Variants in EBLN1 observed in about 807,000 individuals in gnomAD.
The protein encoded by EBLN1 is endogenous Bornavirus-like nucleoprotein 1.
A neutral mutation model predicts 0.8 loss-of-function variants in EBLN1; 1 was observed. The ratio of observed to expected loss-of-function variants is 1.32; its 90% CI spans 0.47 to 6.26. The LOEUF (loss-of-function observed/expected upper bound fraction) is 6.26, where lower values mean the gene tolerates loss of function less well. EBLN1 is among the 30% of genes most tolerant of loss of function. The probability of loss-of-function intolerance (pLI) is 0.15; values close to 1 mark genes in which losing one functional copy is unlikely to be tolerated. For synonymous variants in EBLN1, 158 were observed against 158.5 expected, an observed-to-expected ratio of 1.00 and a Z score of 0.02; for missense variants, 396 against 447.9, an observed-to-expected ratio of 0.88 and a Z score of 1.05.
chr10:22,211,106 G>C (rs1834749328), intron 2 of EBLN1, among the ~76,000 whole-genome samples: 1 of 152,154 alleles, frequency 6.6e-6, no homozygotes, highest in Non-Finnish European at 1.5e-5. Flanking sequence ...CAATGGAAGG[G>C]ATATAACATT....
In EBLN1 at chr10:22,209,641, T is replaced by G; in HGVS notation, c.343A>C (p.Thr115Pro). The G allele has an allele frequency of 2.0e-6, 3 of 1,533,494 alleles. No homozygotes were observed. Among genetic ancestry groups the G allele is most frequent in the Non-Finnish European group, 2.6e-6 (3 of 1,146,218 alleles). 95.0% of individuals were successfully genotyped at this position (1,533,494 alleles called of 1,614,324 possible). Residue 115 changes from threonine to proline, a missense_variant, in exon 3 of 3, where the codon ACT (threonine) becomes CCT (proline). Physicochemically the swap from Thr to Pro is conservative, Grantham distance 38 (BLOSUM62 -1). Coordinates refer to ENST00000422359, the MANE Select transcript of EBLN1 (RefSeq NM_001394757.1). Reference sequence around the variant, plus strand: ...TCTTCAAATTTGCTAGCATAGAGAGTACCTGTTTCCTTGTTCTCATTCCCA... The same window carrying G: ...TCTTCAAATTTGCTAGCATAGAGAGGACCTGTTTCCTTGTTCTCATTCCCA... ...VIGNENKETG[T>P]LYASKFEDVL...
Position 22,209,042 on chromosome 10 carries a change from G to A in EBLN1, c.942C>T (p.Ser314=), listed in dbSNP as rs1379576826. The A allele has an allele frequency of 1.3e-6, 2 of 1,536,218 alleles. No homozygotes were observed. The highest frequency in any genetic ancestry group is 2.4e-5 in the East Asian group (1 of 40,918). ...AANYWAKRRN[S]TFSGFEALDI... ...CAAGGGCTTCAAATCCAGAAAATGT[G>A]GAATTCCTTCTTTTGGCCCAGTAGT... Residue 314 remains serine, a synonymous_variant, in exon 3 of 3, where the codon TCC becomes TCT. Transcript: ENST00000422359.
At chr10:22,216,179 T>A (rs1049562812) in intron 1 of EBLN1, among the ~76,000 whole-genome samples, 5 of 151,488 alleles carry the variant, frequency 3.3e-5, no homozygotes, top group Non-Finnish European at 5.9e-5. Context: ...TGTGCTTCTA[T>A]GATTTTTTTT....
chr10:22,210,213 A>G (rs1564323230), intron 2 of EBLN1, among the ~76,000 whole-genome samples, 186 bp from the exon 3 acceptor site: 1 of 152,180 alleles, frequency 6.6e-6, no homozygotes, highest in Admixed American at 6.5e-5. Flanking sequence ...CTACACCTAA[A>G]TGTGCAGCTG....
intron 1 of EBLN1, among the ~76,000 whole-genome samples, chr10:22,216,840 C>G (rs1209577292): frequency 2.0e-5 from 3 of 152,108 alleles, no homozygotes; most frequent in African/African-American, 7.2e-5. Flanking sequence ...ACTTCTTGCC[C>G]TATGTGCACT....
At chr10:22,210,241 CT>C (rs1463432302) in intron 2 of EBLN1, among the ~76,000 whole-genome samples, 2 of 152,142 alleles carry the variant, frequency 1.3e-5, no homozygotes, top group Non-Finnish European at 2.9e-5. Flanking sequence ...ATCCTTTCCC[CT>C]GTCAACTGTG....
chr10:22,213,238 T>G (rs1199318316), intron 1 of EBLN1, among the ~76,000 whole-genome samples: 1 of 152,216 alleles, frequency 6.6e-6, no homozygotes, highest in Non-Finnish European at 1.5e-5. Context: ...AGAAAAATAT[T>G]ACAGAAGATG....
intron 2 of EBLN1, among the ~76,000 whole-genome samples, chr10:22,211,525 C>G (rs182324625): frequency 6.6e-6 from 1 of 151,944 alleles, no homozygotes; most frequent in African/African-American, 2.4e-5. Flanking sequence ...CAGGGTCTCA[C>G]TTTATCACCC....
chr10:22,211,635 G>T (rs1221018273), intron 2 of EBLN1, among the ~76,000 whole-genome samples: 1 of 152,098 alleles, frequency 6.6e-6, no homozygotes, highest in Non-Finnish European at 1.5e-5. Flanking sequence ...GAGACTACAG[G>T]TACTTGCCAG....
Position 22,208,699 on chromosome 10 carries a change from T to G in EBLN1, c.*184A>C, listed in dbSNP as rs931509861. 9.3e-6 allele frequency: 6 copies of G among 644,292 alleles called. No homozygotes were observed. The highest frequency in any genetic ancestry group is 7.0e-6 in the Non-Finnish European group (3 of 431,438). 39.9% of individuals were successfully genotyped at this position (644,292 alleles called of 1,614,324 possible). ...TTAAAAAGACTTTGGAGATCACATC[T>G]TTCAGTGGCCAGAGAATATTGGATG... On this transcript the variant is annotated 3_prime_UTR_variant, in exon 3 of 3. Coordinates refer to ENST00000422359, the MANE Select transcript of EBLN1 (RefSeq NM_001394757.1).
Position 22,209,535 on chromosome 10 carries a change from G to A in EBLN1, c.449C>T (p.Ser150Leu), listed in dbSNP as rs550246319. The A allele has an allele frequency of 1.5e-5, 23 of 1,559,334 alleles. No individual in the cohort carries two copies. The highest frequency in any genetic ancestry group is 1.9e-5 in the Admixed American group (1 of 53,368). ...CCDLIGIAAG[S>L]SDPICTNSLQ... Reference sequence around the variant, plus strand: ...GCTGTTGGTGCATATCGGGTCACTCGATCCGGCAGCAATGCCTATCAGATC... The same window carrying A: ...GCTGTTGGTGCATATCGGGTCACTCAATCCGGCAGCAATGCCTATCAGATC... The change falls in exon 3 of 3, where the codon TCG (serine) becomes TTG (leucine). Residue 150 changes from serine (S) to leucine (L), a missense_variant. Physicochemically the swap from Ser to Leu is moderately radical, Grantham distance 145. Coordinates refer to ENST00000422359, the MANE Select transcript of EBLN1 (RefSeq NM_001394757.1).
intron 1 of EBLN1, among the ~76,000 whole-genome samples, chr10:22,215,849 T>C (rs914006490): frequency 3.3e-5 from 5 of 152,164 alleles, no homozygotes; most frequent in Non-Finnish European, 5.9e-5. Flanking sequence ...GTGGTATATG[T>C]ACTGGATGAA....
intron 1 of EBLN1, among the ~76,000 whole-genome samples, chr10:22,216,466 C>T (rs1009336830): frequency 3.7e-4 from 57 of 152,196 alleles, no homozygotes; most frequent in Non-Finnish European, 2.2e-4. Flanking sequence ...TAGACTCAAA[C>T]AGGGCAACAA....
chr10:22,214,750 G>A (rs1046935844), intron 1 of EBLN1, among the ~76,000 whole-genome samples: 3 of 152,066 alleles, frequency 2.0e-5, no homozygotes, highest in Admixed American at 6.6e-5. Flanking sequence ...AATACTCAGC[G>A]TGGAGTTACC....
In EBLN1 at chr10:22,209,330, C is replaced by G. The variant is rs16922091; in HGVS notation, c.654G>C (p.Ala218=). 5,226 of 1,603,032 alleles carry G rather than the reference C, an allele frequency of 3.3e-3. 130 individuals are homozygous for G. In the African/African-American group the frequency reaches 0.055, roughly 17 times the overall value. The stretch of plus-strand genomic sequence containing the variant: ...CTTTAACTTGATCAAGTAGCTCGCA[C>G]GCAGGGGATTCAAATTCTCCAAATA... ...TFLFGEFESP[A]CELLDQVKVV... The change falls in exon 3 of 3, where the codon GCG becomes GCC. Residue 218 remains alanine (A), a synonymous_variant. Coordinates refer to ENST00000422359, the MANE Select transcript of EBLN1 (RefSeq NM_001394757.1).
chr10:22,212,362 G>A (rs1834761727), intron 2 of EBLN1, among the ~76,000 whole-genome samples: 2 of 152,104 alleles, frequency 1.3e-5, no homozygotes, highest in Non-Finnish European at 2.9e-5. Flanking sequence ...ATTTTCAAAT[G>A]GCCTATGAAA....
Position 22,208,927 on chromosome 10 carries a change from T to C in EBLN1, c.1057A>G (p.Thr353Ala), listed in dbSNP as rs975660264. 1.3e-6 allele frequency: 2 copies of C among 1,535,686 alleles called. No homozygotes were observed. Among genetic ancestry groups the C allele is most frequent in the Non-Finnish European group, 1.7e-6 (2 of 1,146,900 alleles). Residue 353 changes from threonine to alanine, a missense_variant, in exon 3 of 3, where the codon ACA (threonine) becomes GCA (alanine). Thr to Ala is a moderately conservative substitution (Grantham distance 58). Transcript: ENST00000422359. ...ISRGSDMDPY[T>A]LNILRGYGIS... ...CCATAACCGCGAAGGATGTTAAGTGTATATGGATCCATGTCACTTCCTCTG... is the reference window on the plus strand; with the variant it reads ...CCATAACCGCGAAGGATGTTAAGTGCATATGGATCCATGTCACTTCCTCTG...
At chr10:22,214,796 C>T (rs777325235) in intron 1 of EBLN1, among the ~76,000 whole-genome samples, 2 of 151,872 alleles carry the variant, frequency 1.3e-5, no homozygotes, top group Non-Finnish European at 2.9e-5. Flanking sequence ...GGTTTAGGCC[C>T]AAGACAAATG....
chr10:22,209,555 C>CGGA lies in EBLN1; in HGVS notation c.428_429insTCC (p.Leu143_Ile144insPro), dbSNP rs1554768331. ...CACTCGATCCGGCAGCAATGCCTAT[C>CGGA]AGATCACAGCAGTGACGCAGAATTG... is the stretch of plus-strand genomic sequence containing the variant. On this transcript the variant is annotated inframe_insertion, in exon 3 of 3. Coordinates refer to ENST00000422359, the MANE Select transcript of EBLN1 (RefSeq NM_001394757.1). 3.1e-5 allele frequency: 48 copies of CGGA among 1,548,208 alleles called. No homozygotes were observed. The Middle Eastern group carries it at 6.7e-4, about 22-fold the overall frequency.
Sources: allele counts gnomAD v4.1 joint callset (sites outside exome capture counted in the v4.1 genomes callset), GRCh38; gene constraint gnomAD v4.1.1; transcripts MANE v1.5; gene names NCBI Gene and HGNC (gene_info 2026-07-23, HGNC 2026-07-21).